MYO3B: variants seen among roughly 807,000 people sequenced by gnomAD.
MYO3B encodes the protein myosin IIIB.
In MYO3B, 156 loss-of-function variants were observed where a neutral mutation model predicts 174.6. The ratio of observed to expected loss-of-function variants is 0.89; its 90% CI spans 0.78 to 1.02. The LOEUF (loss-of-function observed/expected upper bound fraction) is 1.02, where lower values mean the gene tolerates loss of function less well. MYO3B is among the 50% of genes least tolerant of loss of function. MYO3B has a pLI of 0.00. For synonymous variants in MYO3B, 563 were observed against 569.1 expected (o/e 0.99, Z 0.15); for missense variants, 1,632 against 1,639.4 (o/e 1.00, Z 0.08).
intron 7 of MYO3B, among the ~76,000 whole-genome samples, chr2:170,257,342 A>G (rs1294834224): frequency 6.6e-6 from 1 of 152,148 alleles, no homozygotes; most frequent in African/African-American, 2.4e-5. Context: ...CAGCTGTAAG[A>G]CAAGTCTCGA....
At chr2:170,628,124 G>A (rs943896352) in intron 32 of MYO3B, among the ~76,000 whole-genome samples, 2 of 152,206 alleles carry the variant, frequency 1.3e-5, no homozygotes, top group African/African-American at 4.8e-5. Context: ...CCTTTTGTTT[G>A]GCTATGACCT....
chr2:170,368,821 G>T (rs1229411791), intron 8 of MYO3B, among the ~76,000 whole-genome samples: 1 of 151,890 alleles, frequency 6.6e-6, no homozygotes, highest in Non-Finnish European at 1.5e-5. Context: ...GGATTTAATT[G>T]AGGTGATAGT....
At chr2:170,410,598 A>C (rs1459204293) in intron 22 of MYO3B, among the ~76,000 whole-genome samples, 2 of 151,676 alleles carry the variant, frequency 1.3e-5, no homozygotes. Flanking sequence ...AAAAGAAAAA[A>C]AAAAAAAAAA....
At chr2:170,586,385 C>A (rs74979787) in intron 32 of MYO3B, among the ~76,000 whole-genome samples, 2 of 152,112 alleles carry the variant, frequency 1.3e-5, no homozygotes, top group African/African-American at 4.8e-5. Context: ...ACCTCACCAA[C>A]GTGATTTATG....
chr2:170,327,549 T>G (rs2093877934), intron 7 of MYO3B, among the ~76,000 whole-genome samples: 1 of 152,180 alleles, frequency 6.6e-6, no homozygotes, highest in African/African-American at 2.4e-5. Context: ...AGATGTGATC[T>G]AGGAGCATTT....
intron 7 of MYO3B, among the ~76,000 whole-genome samples, chr2:170,258,246 A>G (rs997746040): frequency 6.6e-5 from 10 of 151,920 alleles, no homozygotes; most frequent in Non-Finnish European, 1.2e-4. Context: ...TCTGATACCA[A>G]TGAGACAGTG....
intron 25 of MYO3B, among the ~76,000 whole-genome samples, chr2:170,485,418 C>CAT (rs1386921638): frequency 1.5e-5 from 2 of 130,656 alleles, no homozygotes; most frequent in Admixed American, 1.6e-4. Flanking sequence ...CACACACACA[C>CAT]ACAGAGAGAG....
chr2:170,638,149 C>G (rs1293374302), intron 32 of MYO3B, among the ~76,000 whole-genome samples: 3 of 151,772 alleles, frequency 2.0e-5, no homozygotes, highest in African/African-American at 7.2e-5. Flanking sequence ...TAGATATAAC[C>G]TCCCCCAAAT....
chr2:170,651,165 C>G (rs1455242250), intron 32 of MYO3B, among the ~76,000 whole-genome samples: 1 of 152,174 alleles, frequency 6.6e-6, no homozygotes, highest in Non-Finnish European at 1.5e-5. Flanking sequence ...CCATTTCCCC[C>G]CCGACAAAAT....
At chr2:170,627,244 T>G (rs1003831073) in intron 32 of MYO3B, among the ~76,000 whole-genome samples, 51 of 152,194 alleles carry the variant, frequency 3.4e-4, no homozygotes, top group African/African-American at 1.1e-3. Context: ...GAGGCTTTGT[T>G]CGTTTCTTTT....
intron 25 of MYO3B, among the ~76,000 whole-genome samples, chr2:170,489,072 G>A (rs1414573555): frequency 6.6e-6 from 1 of 152,194 alleles, no homozygotes; most frequent in Non-Finnish European, 1.5e-5. Flanking sequence ...AAGATACCAG[G>A]TGCACACAGG....
At chr2:170,444,138 T>C (rs4667639) in intron 23 of MYO3B, 92 bp downstream of exon 23, 1 of 1,123,384 alleles carries the variant, frequency 8.9e-7, no homozygotes, top group South Asian at 1.4e-5. Context: ...AGTTCCCTTC[T>C]AGCAGCCCTC....
intron 32 of MYO3B, among the ~76,000 whole-genome samples, chr2:170,598,446 C>T (rs1346977768): frequency 6.6e-6 from 1 of 152,164 alleles, no homozygotes; most frequent in Non-Finnish European, 1.5e-5. Flanking sequence ...ATTAGAAGGC[C>T]GAAAAGATCA....
At chr2:170,256,145 C>G (rs2093302453) in intron 7 of MYO3B, among the ~76,000 whole-genome samples, 1 of 152,128 alleles carries the variant, frequency 6.6e-6, no homozygotes, top group South Asian at 2.1e-4. Flanking sequence ...TCTAAAGAGA[C>G]CAAACCTATG....
chr2:170,352,323 G>T (rs957201459), intron 8 of MYO3B, among the ~76,000 whole-genome samples: 2 of 152,150 alleles, frequency 1.3e-5, no homozygotes, highest in Non-Finnish European at 2.9e-5. Context: ...AAGCAAACAT[G>T]TTAAACTAAT....
intron 7 of MYO3B, among the ~76,000 whole-genome samples, chr2:170,241,132 T>G (rs2093127743): frequency 6.7e-6 from 1 of 149,882 alleles, no homozygotes; most frequent in Non-Finnish European, 1.5e-5. Flanking sequence ...ATTTATTTGT[T>G]TTTTTTTTTA....
Position 170,653,082 on chromosome 2 carries a change from T to A in MYO3B, c.3987T>A (p.Phe1329Leu). The change falls in exon 35 of 35, where the codon TTT becomes TTA. Residue 1329 changes from phenylalanine to leucine, a missense_variant. By Grantham distance (22) the Phe-to-Leu change is conservative (BLOSUM62 0). Coordinates refer to ENST00000408978, the MANE Select transcript of MYO3B (RefSeq NM_138995.5). ...ACAACTCAGCCCACCCTTCCTTTTT[T>A]TCTTCATCCTCAAAAGGAGACTCTT... ...EENNSAHPSF[F>L]SSSSKGDSFA... 3 of 1,614,200 alleles carry A rather than the reference T, an allele frequency of 1.9e-6. No individual in the cohort carries two copies. Among genetic ancestry groups the A allele is most frequent in the Non-Finnish European group, 2.5e-6 (3 of 1,180,036 alleles).
chr2:170,610,256 C>T (rs940830633), intron 32 of MYO3B, among the ~76,000 whole-genome samples: 3 of 63,606 alleles, frequency 4.7e-5, no homozygotes, highest in Admixed American at 2.4e-4. Context: ...AGGAGAATGG[C>T]GTGAACCCCG....
intron 32 of MYO3B, among the ~76,000 whole-genome samples, chr2:170,603,665 G>T (rs1694649008): frequency 6.6e-6 from 1 of 152,130 alleles, no homozygotes; most frequent in African/African-American, 2.4e-5. Flanking sequence ...TAAAGGTTTT[G>T]TGTGTTTTTA....
Sources: gnomAD v4.1 joint callset for allele counts (sites outside exome capture counted in the v4.1 genomes callset) on GRCh38, gnomAD v4.1.1 for gene constraint, MANE v1.5 for transcripts, NCBI Gene and HGNC (gene_info 2026-07-23, HGNC 2026-07-21) for gene names.